The following L3MBTL4 variants were observed in gnomAD, a reference collection of about 807,000 sequenced individuals.
L3MBTL4 encodes the protein L3MBTL histone methyl-lysine binding protein 4, also known as lethal(3)malignant brain tumor-like protein 4.
L3MBTL4 carries 70 observed loss-of-function variants against 84.5 expected under a neutral mutation model. The observed-to-expected ratio is 0.83, with a 90% CI of 0.68 to 1.01. L3MBTL4 has a LOEUF of 1.01. L3MBTL4 is among the 50% of genes least tolerant of loss of function. The probability of loss-of-function intolerance (pLI) is 0.00; values close to 1 mark genes in which losing one functional copy is unlikely to be tolerated. For missense variants in L3MBTL4, 715 were observed against 754.8 expected (o/e 0.95, Z 0.62); for synonymous variants, 274 against 259.8 (o/e 1.05, Z -0.52).
intron 16 of L3MBTL4, among the ~76,000 whole-genome samples, chr18:6,015,286 G>A (rs543258226): frequency 2.0e-5 from 3 of 152,094 alleles, no homozygotes; most frequent in East Asian, 1.9e-4. Context: ...TTTGAGTTAC[G>A]GAGTCCAAGA....
intron 16 of L3MBTL4, among the ~76,000 whole-genome samples, chr18:5,990,764 CATGTGGGT>C (rs1471555911): frequency 2.5e-5 from 3 of 120,854 alleles, no homozygotes; most frequent in African/African-American, 1.3e-4. Context: ...TAGTAGGGTT[CATGTGGGT>C]GTGTGTGTGT....
chr18:6,397,412 T>G (rs2144604014), intron 1 of L3MBTL4: 1 of 152,338 alleles, frequency 6.6e-6, no homozygotes, highest in South Asian at 2.1e-4. Context: ...TAGTTCTTAT[T>G]TAAAAAATCA....
At position 6,318,724 on chromosome 18, in the gene L3MBTL4, G is replaced by A. The variant is rs138957736; in HGVS notation, c.-90-6668C>T. ...CACTGACAGCACTAGACAGCTCATCGAGACAGAAGGTCAACAAGGAAGCAA... is the reference window on the plus strand; with the variant it reads ...CACTGACAGCACTAGACAGCTCATCAAGACAGAAGGTCAACAAGGAAGCAA... On this transcript the variant is annotated intron_variant, in intron 1 of 18. Coordinates refer to ENST00000317931, the MANE Select transcript of L3MBTL4 (RefSeq NM_001330559.2). Among the ~76,000 whole-genome samples, 18 of 151,978 alleles carry A rather than the reference G, an allele frequency of 1.2e-4. No homozygotes were observed. The East Asian group carries it at 2.9e-3, about 25-fold the overall frequency.
At chr18:6,112,370 C>T (rs2059221949) in intron 14 of L3MBTL4, among the ~76,000 whole-genome samples, 1 of 152,216 alleles carries the variant, frequency 6.6e-6, no homozygotes, top group South Asian at 2.1e-4. Context: ...TCTCCCTTTG[C>T]TGCACTGGCA....
At chr18:6,323,547 C>T (rs369072808) in intron 1 of L3MBTL4, among the ~76,000 whole-genome samples, 2 of 152,172 alleles carry the variant, frequency 1.3e-5, no homozygotes, top group African/African-American at 4.8e-5. Flanking sequence ...GCATTGTGAC[C>T]TTGCCTTAAG....
chr18:6,046,049 C>T (rs1316716042), intron 16 of L3MBTL4, among the ~76,000 whole-genome samples: 2 of 151,998 alleles, frequency 1.3e-5, no homozygotes, highest in Non-Finnish European at 2.9e-5. Flanking sequence ...AAAGATCTAT[C>T]ATGCAAGCAG....
chr18:6,176,494 A>T (rs1221042862), intron 12 of L3MBTL4, among the ~76,000 whole-genome samples: 1 of 151,794 alleles, frequency 6.6e-6, no homozygotes, highest in African/African-American at 2.4e-5. Context: ...ATGCTTGAAC[A>T]TCAACATGTG....
chr18:6,086,985 G>A (rs1037265037), intron 15 of L3MBTL4, among the ~76,000 whole-genome samples: 3 of 152,142 alleles, frequency 2.0e-5, no homozygotes, highest in South Asian at 4.1e-4. Context: ...GCACAGACAG[G>A]AGCCATCCCA....
At chr18:6,091,748 C>G (rs1476940015) in intron 15 of L3MBTL4, among the ~76,000 whole-genome samples, 2 of 152,154 alleles carry the variant, frequency 1.3e-5, no homozygotes, top group African/African-American at 2.4e-5. Context: ...GTTCAAAGAT[C>G]TGTTTCATTT....
intron 4 of L3MBTL4, among the ~76,000 whole-genome samples, chr18:6,270,393 C>T (rs2048815347): frequency 6.6e-6 from 1 of 152,124 alleles, no homozygotes; most frequent in Non-Finnish European, 1.5e-5. Context: ...CCAACTTCTC[C>T]CTCACACCGC....
intron 12 of L3MBTL4, among the ~76,000 whole-genome samples, chr18:6,178,840 T>G (rs1671639): frequency 6.6e-6 from 1 of 152,184 alleles, no homozygotes. Context: ...ACCAACACAG[T>G]CTCTGCTTTT....
intron 15 of L3MBTL4, among the ~76,000 whole-genome samples, chr18:6,085,428 C>T (rs1182732676): frequency 6.6e-6 from 1 of 152,164 alleles, no homozygotes; most frequent in African/African-American, 2.4e-5. Flanking sequence ...AGTGAATGTA[C>T]ATTGATATGG....
chr18:6,223,367 G>A (rs2046641783), intron 10 of L3MBTL4, among the ~76,000 whole-genome samples: 1 of 152,054 alleles, frequency 6.6e-6, no homozygotes, highest in African/African-American at 2.4e-5. Flanking sequence ...AGTTAATTTT[G>A]ATATAACACA....
intron 14 of L3MBTL4, among the ~76,000 whole-genome samples, chr18:6,136,312 G>A (rs1300917786): frequency 6.6e-6 from 1 of 152,164 alleles, no homozygotes; most frequent in Admixed American, 6.5e-5. Context: ...AAGAATCAGG[G>A]TGACTCAGGA....
At chr18:6,044,408 C>A (rs11661481) in intron 16 of L3MBTL4, among the ~76,000 whole-genome samples, 13,736 of 152,174 alleles carry the variant, frequency 0.09, 797 homozygotes, top group Non-Finnish European at 0.13. Flanking sequence ...CTATCTATCT[C>A]TTTTTTTGTC....
chr18:6,136,127 G>C (rs9965082), intron 14 of L3MBTL4, among the ~76,000 whole-genome samples: 5 of 152,172 alleles, frequency 3.3e-5, no homozygotes, highest in Non-Finnish European at 7.3e-5. Flanking sequence ...AGAATAGCAC[G>C]GGAAATACTG....
At position 6,143,270 on chromosome 18, in the gene L3MBTL4, T is replaced by C. The variant is rs139091019; in HGVS notation, c.1097-4974A>G. ...CCATATCCCTGATAGGTACCATCAT[T>C]CTCTCCCAGGTAGAGCTGGAAGGAA... On this transcript the variant is annotated intron_variant, in intron 13 of 18. Coordinates refer to ENST00000317931, the MANE Select transcript of L3MBTL4 (RefSeq NM_001330559.2). 3.5e-3 allele frequency among the ~76,000 whole-genome samples: 531 copies of C among 152,298 alleles called. 2 individuals are homozygous for C. The Middle Eastern group carries it at 0.041, about 12-fold the overall frequency.
intron 13 of L3MBTL4, among the ~76,000 whole-genome samples, chr18:6,150,054 C>G (rs148114551): frequency 1.3e-5 from 2 of 152,266 alleles, no homozygotes; most frequent in African/African-American, 4.8e-5. Context: ...TTTTGAGCAT[C>G]CCCAGCTCTT....
intron 5 of L3MBTL4, among the ~76,000 whole-genome samples, chr18:6,245,429 C>T (rs1430258806): frequency 6.6e-6 from 1 of 152,126 alleles, no homozygotes; most frequent in East Asian, 1.9e-4. Context: ...GGATTACCTA[C>T]TCTCAGTCTG....
Sources: gnomAD v4.1 joint callset for allele counts (sites outside exome capture counted in the v4.1 genomes callset) on GRCh38, gnomAD v4.1.1 for gene constraint, MANE v1.5 for transcripts, NCBI Gene and HGNC (gene_info 2026-07-23, HGNC 2026-07-21) for gene names.